Variants in IRAK2 observed in about 807,000 individuals in gnomAD.
The protein encoded by IRAK2 is interleukin-1 receptor-associated kinase-like 2.
A neutral mutation model predicts 72.0 loss-of-function variants in IRAK2; 57 were observed. The ratio of observed to expected loss-of-function variants is 0.79; its 90% CI spans 0.64 to 0.99. The LOEUF is 0.99. Among genes scored for constraint, IRAK2 ranks in the 50% least tolerant of loss-of-function variants. The probability of loss-of-function intolerance (pLI) is 0.00; values close to 1 mark genes in which losing one functional copy is unlikely to be tolerated. For missense variants in IRAK2, 790 were observed against 794.4 expected (o/e 0.99, Z 0.07); for synonymous variants, 293 against 312.7 (o/e 0.94, Z 0.67).
At chr3:10,209,455 G>C in intron 3 of IRAK2, 134 bp from the exon 4 acceptor site, 5 of 527,130 alleles carry the variant, frequency 9.5e-6, no homozygotes, top group Non-Finnish European at 1.7e-5. Flanking sequence ...TTGGCACATG[G>C]TGGGTGTCAG....
At chr3:10,205,652 A>T (rs189189973) in intron 3 of IRAK2, among the ~76,000 whole-genome samples, 1 of 152,342 alleles carries the variant, frequency 6.6e-6, no homozygotes, top group East Asian at 1.9e-4. Context: ...AGCGGTTCCC[A>T]GTGTGGGGCC....
chr3:10,190,063 C>T lies in IRAK2; in HGVS notation c.278-10306C>T, dbSNP rs545259969. Among the ~76,000 whole-genome samples the T allele has an allele frequency of 2.6e-5, 4 of 151,370 alleles. No individual in the cohort carries two copies. In the South Asian group the frequency reaches 6.3e-4, roughly 24 times the overall value. On this transcript the variant is annotated intron_variant, in intron 2 of 12. Transcript: ENST00000256458. ...TATTTTATAGAAGAGGAAACTGAGGCTCAGAGATTAAGTAATTTCCCAAGG... is the reference window on the plus strand; with the variant it reads ...TATTTTATAGAAGAGGAAACTGAGGTTCAGAGATTAAGTAATTTCCCAAGG...
At position 10,219,691 on chromosome 3, in the gene IRAK2, C is replaced by T. The variant is rs756037621; in HGVS notation, c.915C>T (p.Asp305=). The T allele has an allele frequency of 2.5e-6, 4 of 1,613,496 alleles. No homozygotes were observed. The Admixed American group carries it at 5.0e-5, about 20-fold the overall frequency. Residue 305 remains aspartate (D), a synonymous_variant, in exon 8 of 13, where the codon GAC becomes GAT. Transcript: ENST00000256458. ...QDRLQGQGGS[D]PLPWPQRVSI... is the part of the protein sequence containing the mutation. ...TTTCTTTCTCTTAGGGTGGCTCGGA[C>T]CCCCTCCCCTGGCCCCAGCGTGTCA...
At chr3:10,235,800 T>G (rs745414554) in intron 11 of IRAK2, among the ~76,000 whole-genome samples, 4 of 152,140 alleles carry the variant, frequency 2.6e-5, no homozygotes, top group Non-Finnish European at 5.9e-5. Flanking sequence ...GCCACAGAAC[T>G]TGTTTTTGTC....
At chr3:10,173,542 C>G (rs895817957) in intron 1 of IRAK2, among the ~76,000 whole-genome samples, 1 of 152,190 alleles carries the variant, frequency 6.6e-6, no homozygotes, top group African/African-American at 2.4e-5. Context: ...CTGGTTGAGA[C>G]TGGGTACGGT....
chr3:10,194,228 T>C (rs886769823), intron 2 of IRAK2, among the ~76,000 whole-genome samples: 3 of 151,008 alleles, frequency 2.0e-5, no homozygotes, highest in Non-Finnish European at 4.4e-5. Flanking sequence ...ATCGCAGAGC[T>C]TGGGTCTGGC....
At chr3:10,175,598 G>T (rs1371297772) in intron 1 of IRAK2, among the ~76,000 whole-genome samples, 1 of 151,700 alleles carries the variant, frequency 6.6e-6, no homozygotes, top group Non-Finnish European at 1.5e-5. Flanking sequence ...TTAAGAAAAG[G>T]TACAAAATCA....
At chr3:10,194,998 C>T (rs564538086) in intron 2 of IRAK2, among the ~76,000 whole-genome samples, 23 of 152,220 alleles carry the variant, frequency 1.5e-4, no homozygotes, top group African/African-American at 5.5e-4. Flanking sequence ...CCGACACCGC[C>T]CCTCCCCATC....
chr3:10,188,851 A>G (rs1011250606), intron 2 of IRAK2, among the ~76,000 whole-genome samples: 1 of 152,138 alleles, frequency 6.6e-6, no homozygotes, highest in Non-Finnish European at 1.5e-5. Context: ...TAGTAGAGAC[A>G]GGGTTTTGCC....
intron 12 of IRAK2, among the ~76,000 whole-genome samples, chr3:10,241,865 C>T: frequency 6.8e-6 from 1 of 148,098 alleles, no homozygotes; most frequent in Non-Finnish European, 1.5e-5. Context: ...CCCTGCTACT[C>T]CGGAGACTGA....
At chr3:10,222,205 T>C (rs985980155) in intron 8 of IRAK2, among the ~76,000 whole-genome samples, 2 of 152,132 alleles carry the variant, frequency 1.3e-5, no homozygotes, top group Admixed American at 6.6e-5. Context: ...AATTTTTTTT[T>C]CTTTCTTTTT....
In IRAK2 at chr3:10,200,655, G is replaced by A. The variant is rs3844282; in HGVS notation, c.424+140G>A. On this transcript the variant is annotated intron_variant, in intron 3 of 12. Transcript: ENST00000256458. Reference sequence around the variant, plus strand: ...GGCCCATGCCTATAATCCCAGCTCCGTGAGGCTGAGGCGGGAGGATGGCTT... The same window carrying A: ...GGCCCATGCCTATAATCCCAGCTCCATGAGGCTGAGGCGGGAGGATGGCTT... 17,280 of 653,968 alleles carry A rather than the reference G, an allele frequency of 0.026. 2,286 individuals carry two copies. The African/African-American group carries it at 0.29, about 11-fold the overall frequency. 40.5% of individuals were successfully genotyped at this position (653,968 alleles called of 1,614,324 possible). A position where few individuals can be genotyped will look rare whatever the true frequency, so the allele number is the denominator to read the frequency against.
intron 4 of IRAK2, among the ~76,000 whole-genome samples, chr3:10,210,918 G>A (rs1241188528): frequency 6.6e-6 from 1 of 151,968 alleles, no homozygotes; most frequent in East Asian, 1.9e-4. Context: ...GGAGTGCAGT[G>A]GCACGATCTT....
At position 10,238,747 on chromosome 3, in the gene IRAK2, G is replaced by A. The variant is rs916520813; in HGVS notation, c.1474-1G>A. The A allele has an allele frequency of 1.2e-6, 2 of 1,613,482 alleles. No homozygotes were observed. ...GCTCCCTTCTCTCTCTTCTCCCAAA[G>A]GTGTGTGGCTCTGTGGCTGCTGTGG... On this transcript the variant is annotated splice_acceptor_variant, in intron 11 of 12. Transcript: ENST00000256458. LOFTEE classifies it high-confidence loss of function.
rs191169297 is a variant in IRAK2 at position 10,237,143 on chromosome 3, C to T, written c.1474-1605C>T. Among the ~76,000 whole-genome samples the T allele has an allele frequency of 4.6e-5, 7 of 152,244 alleles. No homozygotes were observed. In the East Asian group the frequency reaches 9.6e-4, roughly 21 times the overall value. On this transcript the variant is annotated intron_variant, in intron 11 of 12. Transcript: ENST00000256458. ...AGAGCAGAACTTAGCTACATGGCCA[C>T]GCCTAGCTCCAAGGAAATGCGGTCT...
intron 2 of IRAK2, among the ~76,000 whole-genome samples, chr3:10,181,455 C>T (rs1320177713): frequency 1.3e-5 from 2 of 151,962 alleles, no homozygotes; most frequent in Non-Finnish European, 2.9e-5. Flanking sequence ...ACTAAAAATA[C>T]AAAAAAATTA....
chr3:10,174,315 C>T (rs1437127870), intron 1 of IRAK2, among the ~76,000 whole-genome samples: 1 of 152,070 alleles, frequency 6.6e-6, no homozygotes, highest in Non-Finnish European at 1.5e-5. Flanking sequence ...GTCACCAGCC[C>T]ATTTTGTCCA....
chr3:10,221,917 C>G (rs1472977950), intron 8 of IRAK2, among the ~76,000 whole-genome samples: 1 of 151,680 alleles, frequency 6.6e-6, no homozygotes, highest in Non-Finnish European at 1.5e-5. Flanking sequence ...ATGACTAGAT[C>G]AAATGATTTT....
intron 10 of IRAK2, among the ~76,000 whole-genome samples, chr3:10,233,352 T>A (rs778229743): frequency 1.2e-4 from 18 of 152,134 alleles, no homozygotes; most frequent in Non-Finnish European, 1.8e-4. Flanking sequence ...GCACCTGGCC[T>A]ACAATACATG....
Sources: gnomAD v4.1 joint callset for allele counts (sites outside exome capture counted in the v4.1 genomes callset) on GRCh38, gnomAD v4.1.1 for gene constraint, MANE v1.5 for transcripts, NCBI Gene and HGNC (gene_info 2026-07-23, HGNC 2026-07-21) for gene names.